The following MAP2K5 variants were observed in gnomAD, a reference collection of about 807,000 sequenced individuals.
MAP2K5 encodes the protein mitogen-activated protein kinase kinase 5.
Under a neutral mutation model 83.1 loss-of-function variants are expected in MAP2K5, and 49 were observed. That is an observed-to-expected ratio of 0.59 (90% CI 0.47 to 0.75). The LOEUF (loss-of-function observed/expected upper bound fraction) is 0.75, where lower values mean the gene tolerates loss of function less well. MAP2K5 is among the 30% of genes least tolerant of loss of function. The pLI, the probability that MAP2K5 is intolerant of heterozygous loss-of-function variation, is 0.00. For synonymous variants in MAP2K5, 202 were observed against 191.8 expected, an observed-to-expected ratio of 1.05 and a Z score of -0.44; for missense variants, 457 against 557.5, an observed-to-expected ratio of 0.82 and a Z score of 1.82.
In MAP2K5 at chr15:67,777,141, CG is replaced by C. The variant is rs1383962275; in HGVS notation, c.1242+4392del. Among the ~76,000 whole-genome samples, 1 of 152,098 alleles carries C rather than the reference CG, an allele frequency of 6.6e-6. No homozygotes were observed. The highest frequency in any genetic ancestry group is 1.5e-5 in the Non-Finnish European group (1 of 68,016). ...TGTAGGGAGGGAAGTGTTCACTCAG[CG>C]GGAGAGTGCTTGCTTGAGGGTGGGG... On this transcript the variant is annotated intron_variant, in intron 21 of 21. Coordinates refer to ENST00000178640, the MANE Select transcript of MAP2K5 (RefSeq NM_145160.3). The surrounding 1 kb of genome is among the most constrained non-coding windows in gnomAD (Gnocchi z 6.0).
In MAP2K5 at chr15:67,644,786, A is replaced by G. The variant is rs2086793512; in HGVS notation, c.586-1445A>G. 4.6e-5 allele frequency among the ~76,000 whole-genome samples: 7 copies of G among 152,058 alleles called. No individual in the cohort carries two copies. The South Asian group carries it at 1.5e-3, about 32-fold the overall frequency. On this transcript the variant is annotated intron_variant, in intron 9 of 21. Coordinates refer to ENST00000178640, the MANE Select transcript of MAP2K5 (RefSeq NM_145160.3). The surrounding 1 kb of genome is among the most constrained non-coding windows in gnomAD (Gnocchi z 4.6). Reference sequence around the variant, plus strand: ...CAGGATTAGCAAAGAACATTACCTGACTGGAAAAAAAAAAGATGATATATT... The same window carrying G: ...CAGGATTAGCAAAGAACATTACCTGGCTGGAAAAAAAAAAGATGATATATT...
chr15:67,682,524 C>G (rs1263744042), intron 13 of MAP2K5, among the ~76,000 whole-genome samples: 1 of 150,846 alleles, frequency 6.6e-6, no homozygotes, highest in Admixed American at 6.6e-5. Flanking sequence ...CGCCTGGCCC[C>G]TGGAGCTATT....
chr15:67,592,021 G>C (rs2085423143), intron 6 of MAP2K5, among the ~76,000 whole-genome samples: 1 of 149,896 alleles, frequency 6.7e-6, no homozygotes, highest in Non-Finnish European at 1.5e-5. Flanking sequence ...TGAGGCAGGA[G>C]AATCGCTTGA....
intron 21 of MAP2K5, among the ~76,000 whole-genome samples, chr15:67,800,869 G>A (rs1315457093): frequency 6.6e-6 from 1 of 152,102 alleles, no homozygotes; most frequent in Non-Finnish European, 1.5e-5. Flanking sequence ...GTAAGAAGTT[G>A]AATAATATGC....
intron 3 of MAP2K5, among the ~76,000 whole-genome samples, chr15:67,578,116 G>A (rs955668127): frequency 6.6e-6 from 1 of 152,218 alleles, no homozygotes; most frequent in Non-Finnish European, 1.5e-5. Flanking sequence ...TTACAAATGA[G>A]TAACATGAGG....
chr15:67,655,838 C>T (rs1297843207), intron 11 of MAP2K5, among the ~76,000 whole-genome samples: 1 of 152,122 alleles, frequency 6.6e-6, no homozygotes, highest in Non-Finnish European at 1.5e-5. Flanking sequence ...TTTCTGATCT[C>T]CCATTAAGCA....
intron 4 of MAP2K5, chr15:67,585,666 A>G: frequency 4.0e-6 from 2 of 504,256 alleles, no homozygotes; most frequent in Non-Finnish European, 3.6e-6. Flanking sequence ...AGAAATTGGA[A>G]TTTATATGAG....
In MAP2K5 at chr15:67,640,972, C is replaced by T. The variant is rs1050269301; in HGVS notation, c.586-5259C>T. ...TAATGACCATGTGTAATTCATGAAA[C>T]GTGTTTCTACCTTTTTGTCTGTTTG... is the stretch of plus-strand genomic sequence containing the variant. On this transcript the variant is annotated intron_variant, in intron 9 of 21. Transcript: ENST00000178640. This position sits in a 1 kb window ranked among gnomAD's most constrained non-coding sequence, Gnocchi z 4.6. 2.6e-5 allele frequency among the ~76,000 whole-genome samples: 4 copies of T among 152,144 alleles called. No individual in the cohort carries two copies. Among genetic ancestry groups the T allele is most frequent in the African/African-American group, 7.2e-5 (3 of 41,428 alleles).
At chr15:67,591,874 G>GTAATCT (rs2141012588) in intron 6 of MAP2K5, among the ~76,000 whole-genome samples, 1 of 152,024 alleles carries the variant, frequency 6.6e-6, no homozygotes, top group South Asian at 2.1e-4. Flanking sequence ...CACTTTGGGA[G>GTAATCT]GCCGAGGCGG....
Position 67,543,973 on chromosome 15 carries a change from C to T in MAP2K5, c.135+503C>T, listed in dbSNP as rs2084345568. Among the ~76,000 whole-genome samples, 3 of 152,222 alleles carry T rather than the reference C, an allele frequency of 2.0e-5. No individual in the cohort carries two copies. The highest frequency in any genetic ancestry group is 6.5e-5 in the Admixed American group (1 of 15,290). On this transcript the variant is annotated intron_variant, in intron 1 of 21. Coordinates refer to ENST00000178640, the MANE Select transcript of MAP2K5 (RefSeq NM_145160.3). The surrounding 1 kb of genome is among the most constrained non-coding windows in gnomAD (Gnocchi z 4.3). The stretch of plus-strand genomic sequence containing the variant: ...TCGCTCAGGCTGCAGTGCTGTGGCA[C>T]GATCTCGGCTCACTGCAGCCTCTGC...
At chr15:67,570,123 A>G (rs1391079946) in intron 3 of MAP2K5, among the ~76,000 whole-genome samples, 1 of 152,218 alleles carries the variant, frequency 6.6e-6, no homozygotes, top group Admixed American at 6.5e-5. Flanking sequence ...CCTTCTGCCA[A>G]CACATATTAC....
rs775372813 is a variant in MAP2K5, at chr15:67,543,446, G to A, written c.111G>A (p.Pro37=). Residue 37 remains proline (P), a synonymous_variant, in exon 1 of 22, where the codon CCG becomes CCA. Coordinates refer to ENST00000178640, the MANE Select transcript of MAP2K5 (RefSeq NM_145160.3). The surrounding 1 kb of genome is among the most constrained non-coding windows in gnomAD (Gnocchi z 4.3). ...TGGACTGGACAGTGCACTCCGGGCC[G>A]CAGTTACTCTTCAGGGATGTGCTGG... ...GAVDWTVHSG[P]QLLFRDVLDV... 7 of 1,614,028 alleles carry A rather than the reference G, an allele frequency of 4.3e-6. No homozygotes were observed. Among genetic ancestry groups the A allele is most frequent in the East Asian group, 2.2e-5 (1 of 44,892 alleles).
intron 3 of MAP2K5, among the ~76,000 whole-genome samples, chr15:67,575,838 G>A (rs542182292): frequency 1.1e-4 from 17 of 151,608 alleles, no homozygotes; most frequent in African/African-American, 3.4e-4. Flanking sequence ...AATGAGTGAG[G>A]GTTAGTTCTC....
chr15:67,657,537 G>A (rs2087114852), intron 11 of MAP2K5, among the ~76,000 whole-genome samples: 1 of 151,962 alleles, frequency 6.6e-6, no homozygotes, highest in Admixed American at 6.6e-5. Context: ...GGGTGGTTCA[G>A]TTCATATCAG....
intron 13 of MAP2K5, among the ~76,000 whole-genome samples, chr15:67,680,121 G>C (rs879428351): frequency 6.6e-5 from 10 of 152,150 alleles, no homozygotes; most frequent in Admixed American, 5.2e-4. Context: ...TGATGTTTTT[G>C]AGATGTGTCT....
intron 6 of MAP2K5, among the ~76,000 whole-genome samples, chr15:67,590,046 A>C (rs372016427): frequency 1.7e-4 from 26 of 152,202 alleles, no homozygotes; most frequent in East Asian, 1.4e-3. Context: ...TTTTTTCCAT[A>C]TATGTTTCAG....
chr15:67,629,436 A>ATT (rs2086411549), intron 8 of MAP2K5, among the ~76,000 whole-genome samples: 1 of 151,834 alleles, frequency 6.6e-6, no homozygotes, highest in Admixed American at 6.6e-5. Flanking sequence ...TAAATGCAAT[A>ATT]GTCTGATCAT....
chr15:67,645,229 G>T (rs1200411076), intron 9 of MAP2K5, among the ~76,000 whole-genome samples: 1 of 151,958 alleles, frequency 6.6e-6, no homozygotes, highest in Non-Finnish European at 1.5e-5. Context: ...TGTAATCCCA[G>T]TGCTTTGGGA....
rs749282096 is a variant in MAP2K5 at position 67,783,632 on chromosome 15, C to A, written c.1242+10880C>A. Among the ~76,000 whole-genome samples the A allele has an allele frequency of 7.2e-5, 11 of 152,178 alleles. No homozygotes were observed. The highest frequency in any genetic ancestry group is 1.6e-4 in the Non-Finnish European group (11 of 68,038). On this transcript the variant is annotated intron_variant, in intron 21 of 21. Transcript: ENST00000178640. This position sits in a 1 kb window ranked among gnomAD's most constrained non-coding sequence, Gnocchi z 5.1. ...TAACAGTCAATAAAAGAGACCACAA[C>A]CCCTCGAGGAAGAGATCATGTCTTA...
Sources: gnomAD v4.1 joint callset for allele counts (sites outside exome capture counted in the v4.1 genomes callset) on GRCh38, gnomAD v4.1.1 for gene constraint, Gnocchi (gnomAD v3.1) non-coding constraint, MANE v1.5 for transcripts, NCBI Gene and HGNC (gene_info 2026-07-23, HGNC 2026-07-21) for gene names.